The following ACBD5 variants were observed in gnomAD, a reference collection of about 807,000 sequenced individuals.
ACBD5 encodes acyl-CoA-binding domain-containing protein 5.
A neutral mutation model predicts 71.8 loss-of-function variants in ACBD5; 40 were observed. That is an observed-to-expected ratio of 0.56 (90% CI 0.43 to 0.72). The LOEUF is 0.72. Ranked by LOEUF, ACBD5 falls within the 30% of genes least tolerant of loss-of-function variation. The probability of loss-of-function intolerance (pLI) is 0.00; values close to 1 mark genes in which losing one functional copy is unlikely to be tolerated. For missense variants in ACBD5, 559 were observed against 644.5 expected (o/e 0.87, Z 1.44); for synonymous variants, 229 against 218.6 (o/e 1.05, Z -0.42).
chr10:27,192,441 A>G (rs555300636), downstream of ACBD5, among the ~76,000 whole-genome samples: 11 of 152,256 alleles, frequency 7.2e-5, no homozygotes, highest in African/African-American at 2.6e-4. Flanking sequence ...TGGTCAGGAG[A>G]ATGGGATATA....
intron 11 of ACBD5, 106 bp downstream of exon 11, chr10:27,205,092 A>G: frequency 2.8e-6 from 3 of 1,089,750 alleles, no homozygotes; most frequent in Admixed American, 3.8e-5. Context: ...GCACCACTGC[A>G]CTCCAGCCTG....
chr10:27,198,926 G>A (rs961827964), intron 12 of ACBD5, among the ~76,000 whole-genome samples: 5 of 151,886 alleles, frequency 3.3e-5, no homozygotes, highest in African/African-American at 9.7e-5. Flanking sequence ...CTGCTAACAC[G>A]GTGAAACCCC....
At chr10:27,219,105 C>T (rs1258943121) in intron 6 of ACBD5, among the ~76,000 whole-genome samples, 1 of 152,086 alleles carries the variant, frequency 6.6e-6, no homozygotes, top group Non-Finnish European at 1.5e-5. Context: ...AGTCCAAGAC[C>T]AGCCTGGTCA....
intron 13 of ACBD5, chr10:27,186,639 T>A: frequency 9.2e-7 from 1 of 1,084,478 alleles, no homozygotes; most frequent in Non-Finnish European, 1.4e-6. Context: ...GATCATTATT[T>A]AACCTAGTTC....
chr10:27,199,037 A>G (rs570857201), intron 12 of ACBD5, among the ~76,000 whole-genome samples: 2 of 151,772 alleles, frequency 1.3e-5, no homozygotes, highest in Non-Finnish European at 2.9e-5. Context: ...TGAACCTGGG[A>G]GGCGGAGGTT....
intron 12 of ACBD5, among the ~76,000 whole-genome samples, chr10:27,202,969 CTTTTTTTT>C (rs775633178): frequency 4.2e-5 from 3 of 70,780 alleles, no homozygotes; most frequent in South Asian, 6.4e-4. Context: ...TCTATATCCT[CTTTTTTTT>C]TTTTTTTTTT....
intron 5 of ACBD5, among the ~76,000 whole-genome samples, chr10:27,222,623 T>G (rs757587735): frequency 6.6e-6 from 1 of 152,084 alleles, no homozygotes; most frequent in Non-Finnish European, 1.5e-5. Context: ...CAGGCCGGAG[T>G]GCAGCAGAGT....
intron 13 of ACBD5, chr10:27,186,631 T>C: frequency 8.6e-7 from 1 of 1,160,342 alleles, no homozygotes; most frequent in African/African-American, 1.5e-5. Flanking sequence ...GGGGGAAAGA[T>C]CATTATTTAA....
downstream of ACBD5, among the ~76,000 whole-genome samples, chr10:27,191,240 A>G (rs1393941627): frequency 6.6e-6 from 1 of 152,168 alleles, no homozygotes; most frequent in Non-Finnish European, 1.5e-5. Flanking sequence ...AATATACGAC[A>G]CTGTAGAAAA....
chr10:27,192,699 C>T (rs2059127596), downstream of ACBD5, among the ~76,000 whole-genome samples: 1 of 152,168 alleles, frequency 6.6e-6, no homozygotes, highest in East Asian at 1.9e-4. Flanking sequence ...AGGCTTGGCA[C>T]AGTGGCTCAC....
At chr10:27,223,925 A>G (rs768174581) in intron 4 of ACBD5, among the ~76,000 whole-genome samples, 9 of 152,088 alleles carry the variant, frequency 5.9e-5, no homozygotes, top group Non-Finnish European at 1.0e-4. Context: ...ATTAAAAAAT[A>G]AAATAAAAGG....
upstream of ACBD5, chr10:27,240,800 C>G: frequency 1.4e-6 from 2 of 1,476,828 alleles, no homozygotes; most frequent in Non-Finnish European, 1.8e-6. The surrounding 1 kb of genome is among the most constrained non-coding windows in gnomAD (Gnocchi z 4.1). Flanking sequence ...GTCCGTCTGT[C>G]AGTCCGTGCC....
chr10:27,197,786 A>C (rs1021665767), intron 12 of ACBD5, among the ~76,000 whole-genome samples: 2 of 152,218 alleles, frequency 1.3e-5, no homozygotes, highest in Admixed American at 6.5e-5. Flanking sequence ...AGCTGGCATT[A>C]CAGGTGTGTG....
At chr10:27,220,803 T>C (rs1643721015) in intron 5 of ACBD5, among the ~76,000 whole-genome samples, 1 of 152,196 alleles carries the variant, frequency 6.6e-6, no homozygotes, top group Non-Finnish European at 1.5e-5. Flanking sequence ...ACTGTATATG[T>C]ATATTCTGAA....
intron 12 of ACBD5, among the ~76,000 whole-genome samples, chr10:27,199,056 C>T (rs569756090): frequency 6.6e-6 from 1 of 151,390 alleles, no homozygotes; most frequent in East Asian, 2.0e-4. Flanking sequence ...TTGCAGTGAG[C>T]TGAGATCGGG....
intron 12 of ACBD5, among the ~76,000 whole-genome samples, chr10:27,201,255 T>G (rs973272428): frequency 6.6e-6 from 1 of 152,228 alleles, no homozygotes; most frequent in African/African-American, 2.4e-5. Flanking sequence ...AGGATAATTT[T>G]AATAGCAGAG....
chr10:27,223,258 A>G, intron 5 of ACBD5, 80 bp downstream of exon 5: 2 of 1,098,372 alleles, frequency 1.8e-6, no homozygotes. Flanking sequence ...TGAAAGTAAG[A>G]AAAAAAATCA....
intron 5 of ACBD5, among the ~76,000 whole-genome samples, chr10:27,222,410 T>TAA (rs11322768): frequency 1.4e-5 from 2 of 140,396 alleles, no homozygotes. Flanking sequence ...GACAAAATTC[T>TAA]AAAAAAAAAA....
chr10:27,207,000 G>C (rs575115924), intron 10 of ACBD5, among the ~76,000 whole-genome samples: 3 of 151,788 alleles, frequency 2.0e-5, no homozygotes, highest in Admixed American at 6.6e-5. Context: ...CTGAGAGGCC[G>C]GGCACGGTGG....
Sources: gnomAD v4.1 joint callset for allele counts (sites outside exome capture counted in the v4.1 genomes callset) on GRCh38, gnomAD v4.1.1 for gene constraint, Gnocchi (gnomAD v3.1) non-coding constraint, MANE v1.5 for transcripts, NCBI Gene and HGNC (gene_info 2026-07-23, HGNC 2026-07-21) for gene names.